ZFAT: variants seen among roughly 807,000 people sequenced by gnomAD.
ZFAT encodes zinc finger and AT-hook domain containing, also known as zinc finger protein ZFAT.
A neutral mutation model predicts 117.7 loss-of-function variants in ZFAT; 64 were observed. The observed-to-expected ratio is 0.54, with a 90% CI of 0.44 to 0.67. The LOEUF is 0.67. Among genes scored for constraint, ZFAT ranks in the 30% least tolerant of loss-of-function variants. ZFAT has a pLI of 0.00. For synonymous variants in ZFAT, 679 were observed against 615.0 expected (o/e 1.10, Z -1.54); for missense variants, 1,433 against 1,584.5 (o/e 0.90, Z 1.62).
intron 10 of ZFAT, among the ~76,000 whole-genome samples, chr8:134,566,219 C>T (rs1824449865): frequency 6.6e-6 from 1 of 151,946 alleles, no homozygotes; most frequent in Non-Finnish European, 1.5e-5. Context: ...ACAGTGAAAC[C>T]CTGTCTCTAC....
intron 15 of ZFAT, among the ~76,000 whole-genome samples, chr8:134,489,080 G>T (rs1817864485): frequency 1.3e-5 from 2 of 151,794 alleles, no homozygotes; most frequent in South Asian, 2.1e-4. Flanking sequence ...GATCATGAAG[G>T]ATCTTATAGG....
chr8:134,641,545 A>G (rs1830581605), intron 2 of ZFAT, among the ~76,000 whole-genome samples: 1 of 152,192 alleles, frequency 6.6e-6, no homozygotes, highest in South Asian at 2.1e-4. Context: ...TGAGCCACAC[A>G]CACGTAGGGT....
At chr8:134,831,828 C>CA in the ZFAT span, among the ~76,000 whole-genome samples, 3 of 151,768 alleles carry the variant, frequency 2.0e-5, no homozygotes, top group African/African-American at 7.3e-5. Flanking sequence ...ACGGGGGCGC[C>CA]AAAAAAGCAC....
At chr8:134,532,187 T>A (rs1364909895) in intron 12 of ZFAT, among the ~76,000 whole-genome samples, 2 of 152,058 alleles carry the variant, frequency 1.3e-5, no homozygotes, top group African/African-American at 4.8e-5. Flanking sequence ...TGAAGAGAGG[T>A]TTTCATCAAT....
At chr8:134,674,986 A>G (rs114507421) in intron 1 of ZFAT, 1 of 152,474 alleles carries the variant, frequency 6.6e-6, no homozygotes, top group African/African-American at 2.4e-5. Flanking sequence ...AGGTAAATCA[A>G]CGAAGATGTG....
chr8:134,642,742 G>A (rs576870547), intron 2 of ZFAT, among the ~76,000 whole-genome samples: 1 of 152,278 alleles, frequency 6.6e-6, no homozygotes, highest in Admixed American at 6.5e-5. Context: ...CACTCGCACA[G>A]GGCAGCTCAA....
At chr8:134,691,950 T>G (rs1027372865) in intron 1 of ZFAT, among the ~76,000 whole-genome samples, 12 of 152,174 alleles carry the variant, frequency 7.9e-5, no homozygotes, top group Non-Finnish European at 1.6e-4. Flanking sequence ...TGAACCCTCC[T>G]GGGTTCAAGC....
At chr8:134,642,328 A>T (rs918575221) in intron 2 of ZFAT, among the ~76,000 whole-genome samples, 1 of 152,162 alleles carries the variant, frequency 6.6e-6, no homozygotes, top group Non-Finnish European at 1.5e-5. Context: ...AGCTGGACCG[A>T]CCTGGGTTCA....
chr8:134,668,162 G>A (rs1167154052), intron 1 of ZFAT, among the ~76,000 whole-genome samples: 4 of 152,214 alleles, frequency 2.6e-5, no homozygotes, highest in African/African-American at 9.6e-5. Context: ...GCCTGCCTCT[G>A]CAGACTCCAC....
rs1006818666 is a variant in ZFAT, at chr8:134,621,301, T to G, written c.449-10646A>C. Among the ~76,000 whole-genome samples, 5 of 151,902 alleles carry G rather than the reference T, an allele frequency of 3.3e-5. No individual in the cohort carries two copies. The South Asian group carries it at 1.0e-3, about 32-fold the overall frequency. ...ACAGTAGTCTATGCCTGTCTAGTAT[T>G]TTCCCTTTAGTCAATATCACAGAAG... On this transcript the variant is annotated intron_variant, in intron 3 of 15. Transcript: ENST00000377838.
At chr8:134,804,875 G>A in the ZFAT span, 6 of 533,908 alleles carry the variant, frequency 1.1e-5, no homozygotes, top group East Asian at 5.5e-5. Context: ...GTGAATAGCC[G>A]GTAGCAGCAA....
intron 14 of ZFAT, chr8:134,510,559 AGCCAGTGGC>A: frequency 1.7e-5 from 3 of 173,324 alleles, no homozygotes; most frequent in Admixed American, 1.2e-4. Flanking sequence ...AGGTAGGACA[AGCCAGTGGC>A]TGAGGCAGTG....
the ZFAT span, among the ~76,000 whole-genome samples, chr8:134,771,405 C>A: frequency 6.6e-6 from 1 of 152,174 alleles, no homozygotes; most frequent in Non-Finnish European, 1.5e-5. Context: ...CTATCAGATA[C>A]CCTAAATCAT....
In ZFAT at chr8:134,583,956, C is replaced by G; in HGVS notation, c.2763G>C (p.Lys921Asn). The change falls in exon 10 of 16, where the codon AAG becomes AAC. Residue 921 changes from lysine to asparagine, a missense_variant. By Grantham distance (94) the Lys-to-Asn change is moderately conservative. This residue lies in a region of ZFAT where 503 missense variants were observed against 543.4 expected (regional missense o/e 0.93). Transcript: ENST00000377838. ...CSLCEYATRSKSNLKAHMNRH... is the reference protein window; with the variant it reads ...CSLCEYATRSNSNLKAHMNRH... ...GATTCATATGAGCCTTGAGGTTACTCTTGCTACGAGTTGCATACTCACACA... is the reference window on the plus strand; with the variant it reads ...GATTCATATGAGCCTTGAGGTTACTGTTGCTACGAGTTGCATACTCACACA... The G allele has an allele frequency of 3.2e-6, 5 of 1,576,540 alleles. No homozygotes were observed. Among genetic ancestry groups the G allele is most frequent in the Non-Finnish European group, 4.3e-6 (5 of 1,159,488 alleles).
intron 15 of ZFAT, among the ~76,000 whole-genome samples, chr8:134,487,888 G>C (rs1426544242): frequency 6.6e-6 from 1 of 152,206 alleles, no homozygotes; most frequent in East Asian, 1.9e-4. Flanking sequence ...CTGGCACAAA[G>C]GTGAACAGTG....
chr8:134,667,698 C>T (rs941953285), intron 1 of ZFAT, among the ~76,000 whole-genome samples: 3 of 151,932 alleles, frequency 2.0e-5, no homozygotes, highest in African/African-American at 7.3e-5. Context: ...CAGAAGACGA[C>T]TGATTTATGG....
At chr8:134,699,872 A>G (rs1833964813) in intron 1 of ZFAT, among the ~76,000 whole-genome samples, 1 of 152,218 alleles carries the variant, frequency 6.6e-6, no homozygotes. Flanking sequence ...CGGGATGGAC[A>G]AGGCACCGGG....
the ZFAT span, among the ~76,000 whole-genome samples, chr8:134,800,023 C>G: frequency 1.3e-5 from 2 of 152,118 alleles, no homozygotes; most frequent in African/African-American, 4.8e-5. Context: ...GTGCCTTTCC[C>G]TCCTCCAAAT....
intron 1 of ZFAT, among the ~76,000 whole-genome samples, chr8:134,683,691 C>G (rs879586929): frequency 1.4e-4 from 22 of 151,934 alleles, no homozygotes; most frequent in Non-Finnish European, 1.2e-4. Context: ...CCACCAAGAG[C>G]CCCCCGCCAC....
Sources: gnomAD v4.1 joint callset for allele counts (sites outside exome capture counted in the v4.1 genomes callset) on GRCh38, gnomAD v4.1.1 for gene constraint, gnomAD v4.1.1 regional missense constraint, MANE v1.5 for transcripts, NCBI Gene and HGNC (gene_info 2026-07-23, HGNC 2026-07-21) for gene names.